Variants in CA12 observed in about 807,000 individuals in gnomAD.
The protein encoded by CA12 is carbonate dehydratase XII.
In CA12, 36 loss-of-function variants were observed where a neutral mutation model predicts 46.8. The ratio of observed to expected loss-of-function variants is 0.77; its 90% CI spans 0.59 to 1.02. CA12 has a LOEUF of 1.02. Ranked by LOEUF, CA12 falls within the 50% of genes least tolerant of loss-of-function variation. The probability of loss-of-function intolerance (pLI) is 0.00; values close to 1 mark genes in which losing one functional copy is unlikely to be tolerated. For missense variants in CA12, 436 were observed against 451.4 expected, an observed-to-expected ratio of 0.97 and a Z score of 0.31; for synonymous variants, 202 against 187.0, an observed-to-expected ratio of 1.08 and a Z score of -0.65.
intron 4 of CA12, among the ~76,000 whole-genome samples, chr15:63,343,277 A>AT (rs1567044940): frequency 5.5e-5 from 3 of 54,190 alleles, no homozygotes; most frequent in African/African-American, 1.8e-4. Context: ...GATAGAAAGA[A>AT]TCTTTTTTTT....
At chr15:63,337,654 A>G (rs928417910) in intron 8 of CA12, among the ~76,000 whole-genome samples, 2 of 151,972 alleles carry the variant, frequency 1.3e-5, no homozygotes, top group Admixed American at 6.6e-5. Flanking sequence ...ACGTGGTTTC[A>G]CCATGTTGGT....
chr15:63,340,387 A>C lies in CA12; in HGVS notation c.648T>G (p.Ala216=), dbSNP rs2039062333. Residue 216 remains alanine (A), a synonymous_variant, in exon 7 of 11, where the codon GCT becomes GCG. Coordinates refer to ENST00000178638, the MANE Select transcript of CA12 (RefSeq NM_001218.5). The surrounding 1 kb of genome is among the most constrained non-coding windows in gnomAD (Gnocchi z 4.4). Reference sequence around the variant, plus strand: ...GGGACCCCCGGTAGCGGTAATATTCAGCGGTCCTCTCCGGAAGCAGCTCTT... The same window carrying C: ...GGGACCCCCGGTAGCGGTAATATTCCGCGGTCCTCTCCGGAAGCAGCTCTT... The part of the protein sequence containing the change: ...NIEELLPERT[A]EYYRYRGSLT... The C allele has an allele frequency of 6.2e-7, 1 of 1,614,184 alleles. No homozygotes were observed. The highest frequency in any genetic ancestry group is 8.5e-7 in the Non-Finnish European group (1 of 1,180,016).
rs570298319 is a variant in CA12, at chr15:63,323,160, A to T, written c.*3125T>A. On this transcript the variant is annotated 3_prime_UTR_variant, in exon 11 of 11. Coordinates refer to ENST00000178638, the MANE Select transcript of CA12 (RefSeq NM_001218.5). This position sits in a 1 kb window ranked among gnomAD's most constrained non-coding sequence, Gnocchi z 5.1. ...ACTCTCAGGAGTAAAGAGACATAGG[A>T]CCTGTTCCCTGTATCATGTCCCCTT... 6.6e-6 allele frequency: 1 copy of T among 152,314 alleles called. No individual in the cohort carries two copies. Among genetic ancestry groups the T allele is most frequent in the African/African-American group, 2.4e-5 (1 of 41,568 alleles). 9.4% of individuals were successfully genotyped at this position (152,314 alleles called of 1,614,324 possible).
At chr15:63,344,514 T>A (rs912623669) in intron 4 of CA12, among the ~76,000 whole-genome samples, 1 of 152,262 alleles carries the variant, frequency 6.6e-6, no homozygotes, top group African/African-American at 2.4e-5. Context: ...GTTCTTGAGC[T>A]TCAGGGAAGG....
rs948823235 is a variant in CA12, at chr15:63,326,049, C to T, written c.*236G>A. ...CACAATCTCACACAGTTACAGCAAG[C>T]AGCTTTGAATTCCTGCTGCTTGGTC... On this transcript the variant is annotated 3_prime_UTR_variant, in exon 11 of 11. Coordinates refer to ENST00000178638, the MANE Select transcript of CA12 (RefSeq NM_001218.5). 1.8e-6 allele frequency: 1 copy of T among 550,058 alleles called. No individual in the cohort carries two copies. Among genetic ancestry groups the T allele is most frequent in the African/African-American group, 1.9e-5 (1 of 52,806 alleles). 34.1% of individuals were successfully genotyped at this position (550,058 alleles called of 1,614,324 possible).
chr15:63,371,033 G>A (rs2039498846), intron 2 of CA12, among the ~76,000 whole-genome samples: 1 of 152,156 alleles, frequency 6.6e-6, no homozygotes, highest in African/African-American at 2.4e-5. Context: ...CAATTCAGGT[G>A]TGAGGTCACA....
Position 63,341,505 on chromosome 15 carries a change from C to A in CA12, c.525+497G>T, listed in dbSNP as rs1331559222. 2.0e-5 allele frequency among the ~76,000 whole-genome samples: 3 copies of A among 152,218 alleles called. No individual in the cohort carries two copies. The highest frequency in any genetic ancestry group is 4.4e-5 in the Non-Finnish European group (3 of 68,034). On this transcript the variant is annotated intron_variant, in intron 5 of 10. Transcript: ENST00000178638. The surrounding 1 kb of genome is among the most constrained non-coding windows in gnomAD (Gnocchi z 5.2). ...TAATGCTTGATGATCTGAGGTGGAA[C>A]AGTTTCATCCCAAAACCATCTCCCT...
At position 63,328,071 on chromosome 15, in the gene CA12, T is replaced by C. The variant is rs1333213149; in HGVS notation, c.907+27A>G. The C allele has an allele frequency of 6.2e-7, 1 of 1,607,948 alleles. No homozygotes were observed. The highest frequency in any genetic ancestry group is 1.1e-5 in the South Asian group (1 of 90,956). On this transcript the variant is annotated intron_variant, in intron 9 of 10. Coordinates refer to ENST00000178638, the MANE Select transcript of CA12 (RefSeq NM_001218.5). This position sits in a 1 kb window ranked among gnomAD's most constrained non-coding sequence, Gnocchi z 5.9. The stretch of plus-strand genomic sequence containing the variant: ...TCACAGTGATCACCCAGCTGCAGCA[T>C]GCACGGCTGGCTGCCCAGCCACATA...
At chr15:63,357,597 T>G (rs1408153820) in intron 2 of CA12, among the ~76,000 whole-genome samples, 2 of 152,226 alleles carry the variant, frequency 1.3e-5, no homozygotes, top group Non-Finnish European at 2.9e-5. Context: ...TTGTGGTTCT[T>G]GTGAGCAGAG....
rs1301961459 is a variant in CA12, at chr15:63,327,301, G to C, written c.908-68C>G. ...CCTCCATCTTAGCCCATGGCCCCCG[G>C]GTGTGAAATCATGGCCCAGCTGCAT... On this transcript the variant is annotated intron_variant, in intron 9 of 10. Transcript: ENST00000178638. The surrounding 1 kb of genome is among the most constrained non-coding windows in gnomAD (Gnocchi z 4.5). The C allele has an allele frequency of 7.9e-7, 1 of 1,265,886 alleles. No homozygotes were observed. Among genetic ancestry groups the C allele is most frequent in the East Asian group, 2.4e-5 (1 of 41,026 alleles). The allele number at this position is 1,265,886 out of a possible 1,614,324, so 78.4% of individuals were successfully genotyped here. A position where few individuals can be genotyped will look rare whatever the true frequency, so the allele number is the denominator to read the frequency against.
chr15:63,340,835 C>T lies in CA12; in HGVS notation c.526-52G>A, dbSNP rs1026988. On this transcript the variant is annotated intron_variant, in intron 5 of 10. Transcript: ENST00000178638. The surrounding 1 kb of genome is among the most constrained non-coding windows in gnomAD (Gnocchi z 4.4). ...CTGGGACAGAACAGGATAGGCTGAG[C>T]CAGGATTGACGATTGCTATCAGAAG... The T allele has an allele frequency of 0.014, 20,978 of 1,529,342 alleles. 247 individuals carry two copies. The highest frequency in any genetic ancestry group is 0.049 in the African/African-American group (3,579 of 73,308). The allele number at this position is 1,529,342 out of a possible 1,614,324, so 94.7% of individuals were successfully genotyped here.
chr15:63,369,444 T>C (rs2039474618), intron 2 of CA12, among the ~76,000 whole-genome samples: 1 of 152,238 alleles, frequency 6.6e-6, no homozygotes, highest in Admixed American at 6.5e-5. Context: ...TGTTATCTTA[T>C]TTGATCCTTA....
At chr15:63,380,761 C>T (rs1046705942) in intron 1 of CA12, among the ~76,000 whole-genome samples, 14 of 152,208 alleles carry the variant, frequency 9.2e-5, no homozygotes, top group Admixed American at 2.6e-4. Flanking sequence ...ACACATTTCC[C>T]ACCACCACTG....
intron 2 of CA12, among the ~76,000 whole-genome samples, chr15:63,362,949 C>T (rs575554852): frequency 2.3e-3 from 355 of 152,326 alleles, no homozygotes; most frequent in Middle Eastern, 0.01. Flanking sequence ...AGCTCTGCCA[C>T]CGACTAGCTA....
At chr15:63,357,567 C>A (rs1269583973) in intron 2 of CA12, among the ~76,000 whole-genome samples, 1 of 152,178 alleles carries the variant, frequency 6.6e-6, no homozygotes, top group African/African-American at 2.4e-5. Flanking sequence ...TGCTGTGAAA[C>A]CCTCATCACA....
At chr15:63,360,035 A>G (rs1166521652) in intron 2 of CA12, among the ~76,000 whole-genome samples, 1 of 152,224 alleles carries the variant, frequency 6.6e-6, no homozygotes, top group Non-Finnish European at 1.5e-5. Context: ...TCACCTGTCC[A>G]AAAGTGTGGA....
In CA12 at chr15:63,341,300, TG is replaced by T. The variant is rs1168931409; in HGVS notation, c.526-518del. ...CCCAGGCTGTGGACCAGTACCGGTC[TG>T]TGGCCTGTTAGGAACTGGGCCGCAC... On this transcript the variant is annotated intron_variant, in intron 5 of 10. Transcript: ENST00000178638. This position sits in a 1 kb window ranked among gnomAD's most constrained non-coding sequence, Gnocchi z 5.2. 6.6e-6 allele frequency among the ~76,000 whole-genome samples: 1 copy of T among 152,214 alleles called. No homozygotes were observed. The highest frequency in any genetic ancestry group is 1.5e-5 in the Non-Finnish European group (1 of 68,034).
chr15:63,324,979 C>T lies in CA12; in HGVS notation c.*1306G>A, dbSNP rs575639602. On this transcript the variant is annotated 3_prime_UTR_variant, in exon 11 of 11. Coordinates refer to ENST00000178638, the MANE Select transcript of CA12 (RefSeq NM_001218.5). ...TCTCAGTCATGGCACTGACTCATCT[C>T]CACAGGGTTCTCACCTGCGGGAGGA... The T allele has an allele frequency of 2.0e-5, 3 of 152,298 alleles. No homozygotes were observed. In the South Asian group the frequency reaches 6.2e-4, roughly 32 times the overall value. 9.4% of individuals were successfully genotyped at this position (152,298 alleles called of 1,614,324 possible). A position where few individuals can be genotyped will look rare whatever the true frequency, so the allele number is the denominator to read the frequency against.
chr15:63,348,929 C>A lies in CA12; in HGVS notation c.107-2220G>T, dbSNP rs561064556. Among the ~76,000 whole-genome samples, 10 of 152,256 alleles carry A rather than the reference C, an allele frequency of 6.6e-5. No individual in the cohort carries two copies. In the South Asian group the frequency reaches 1.9e-3, roughly 28 times the overall value. On this transcript the variant is annotated intron_variant, in intron 2 of 10. Transcript: ENST00000178638. This position sits in a 1 kb window ranked among gnomAD's most constrained non-coding sequence, Gnocchi z 4.6. ...TTTCCTTTTTCTCTTGCTCTAAATA[C>A]GCTTTATTGGAAGTTAGGACCAAAT... is the stretch of plus-strand genomic sequence containing the variant.
Sources: allele counts gnomAD v4.1 joint callset (sites outside exome capture counted in the v4.1 genomes callset), GRCh38; gene constraint gnomAD v4.1.1; non-coding constraint Gnocchi (gnomAD v3.1); transcripts MANE v1.5; gene names NCBI Gene and HGNC (gene_info 2026-07-23, HGNC 2026-07-21).